SLC34A1: variants seen among roughly 807,000 people sequenced by gnomAD.
The protein encoded by SLC34A1 is sodium-dependent phosphate transport protein 2A.
In SLC34A1, 57 loss-of-function variants were observed where a neutral mutation model predicts 51.4. The observed-to-expected ratio is 1.11, with a 90% CI of 0.90 to 1.38. The LOEUF (loss-of-function observed/expected upper bound fraction) is 1.38, where lower values mean the gene tolerates loss of function less well. SLC34A1 is among the 40% of genes most tolerant of loss of function. SLC34A1 has a pLI of 0.00. For missense variants in SLC34A1, 796 were observed against 835.6 expected (o/e 0.95, Z 0.58); for synonymous variants, 368 against 358.0 (o/e 1.03, Z -0.32).
chr5:177,397,668 G>A, intron 12 of SLC34A1, 115 bp from the exon 13 acceptor site: 1 of 1,427,608 alleles, frequency 7.0e-7, no homozygotes, highest in Non-Finnish European at 9.7e-7. Flanking sequence ...ACCCCTAAGT[G>A]GAAACTTTCC....
Position 177,396,980 on chromosome 5 carries a change from AC to A in SLC34A1, c.1325del (p.Pro442ArgfsTer101), listed in dbSNP as rs781136820. On this transcript the variant is annotated frameshift_variant, in exon 12 of 13. Coordinates refer to ENST00000324417, the MANE Select transcript of SLC34A1 (RefSeq NM_003052.5). LOFTEE classifies it high-confidence loss of function. The surrounding 1 kb of genome is among the most constrained non-coding windows in gnomAD (Gnocchi z 4.0). ...GGTGTGATCAGCATTGAGAGGGCCTACCCGCTCACACTGGGTTCCAACATCG... is the reference window on the plus strand; with the variant it reads ...GGTGTGATCAGCATTGAGAGGGCCTACCGCTCACACTGGGTTCCAACATCG... ...GLGVISIERA[Y>X]PLTLGSNIGT... The A allele has an allele frequency of 6.2e-7, 1 of 1,613,982 alleles. No homozygotes were observed. Among genetic ancestry groups the A allele is most frequent in the South Asian group, 1.1e-5 (1 of 91,078 alleles).
At position 177,396,645 on chromosome 5, in the gene SLC34A1, G is replaced by A. The variant is rs1490433289; in HGVS notation, c.1175-88G>A. 5.7e-6 allele frequency: 6 copies of A among 1,053,256 alleles called. No individual in the cohort carries two copies. In the African/African-American group the frequency reaches 9.5e-5, roughly 17 times the overall value. The allele number at this position is 1,053,256 out of a possible 1,614,324, so 65.2% of individuals were successfully genotyped here. On this transcript the variant is annotated intron_variant, in intron 10 of 12. Coordinates refer to ENST00000324417, the MANE Select transcript of SLC34A1 (RefSeq NM_003052.5). This position sits in a 1 kb window ranked among gnomAD's most constrained non-coding sequence, Gnocchi z 4.0. ...TCCGCTCTCCCAGTGCCCCCGCGGA[G>A]GTCCGCTCTCCCAGTGCCCCCGCGG...
Position 177,393,035 on chromosome 5 carries a change from A to G in SLC34A1, c.937-659A>G, listed in dbSNP as rs540132183. On this transcript the variant is annotated intron_variant, in intron 8 of 12. Transcript: ENST00000324417. ...GACAGTGATCAGGAGCTGAGTAGCT[A>G]CTGCTGACTCTACAGGCCCAGCAGA... Among the ~76,000 whole-genome samples the G allele has an allele frequency of 3.9e-5, 6 of 152,292 alleles. No homozygotes were observed. In the South Asian group the frequency reaches 1.2e-3, roughly 32 times the overall value.
intron 1 of SLC34A1, among the ~76,000 whole-genome samples, chr5:177,385,068 G>T (rs554285665): frequency 2.0e-5 from 3 of 152,308 alleles, no homozygotes; most frequent in South Asian, 4.1e-4. Context: ...TGCCCCTTGA[G>T]GGGGTGGATG....
At chr5:177,397,630 G>A (rs940083190) in intron 12 of SLC34A1, 153 bp from the exon 13 acceptor site, 5 of 942,824 alleles carry the variant, frequency 5.3e-6, no homozygotes, top group Admixed American at 3.8e-5. Context: ...TAGCCACCTC[G>A]GGGTGATCTC....
intron 8 of SLC34A1, among the ~76,000 whole-genome samples, chr5:177,391,769 C>T (rs1342912627): frequency 6.6e-6 from 1 of 152,206 alleles, no homozygotes; most frequent in East Asian, 1.9e-4. Context: ...ATGAGCCAAG[C>T]CCTGTGATGA....
At chr5:177,393,544 G>A (rs1762872059) in intron 8 of SLC34A1, 150 bp from the exon 9 acceptor site, 21 of 748,414 alleles carry the variant, frequency 2.8e-5, no homozygotes, top group Non-Finnish European at 4.3e-5. Flanking sequence ...CTCAGTGGAA[G>A]AGACAGGCTC....
Position 177,386,300 on chromosome 5 carries a change from C to T in SLC34A1, c.339C>T (p.Leu113=), listed in dbSNP as rs370433220. Residue 113 remains leucine (L), a synonymous_variant, in exon 4 of 13, where the codon CTC becomes CTT. Coordinates refer to ENST00000324417, the MANE Select transcript of SLC34A1 (RefSeq NM_003052.5). This position sits in a 1 kb window ranked among gnomAD's most constrained non-coding sequence, Gnocchi z 4.8. ...CACTGATGCTCACCTTCCTCTACCT[C>T]TTCGTCTGCTCCCTGGACATGCTCA... The part of the protein sequence containing the change: ...KVPLMLTFLY[L]FVCSLDMLSS... 1.2e-6 allele frequency: 2 copies of T among 1,614,136 alleles called. No individual in the cohort carries two copies. The highest frequency in any genetic ancestry group is 2.7e-5 in the African/African-American group (2 of 74,948).
In SLC34A1 at chr5:177,398,245, CG is replaced by C; in HGVS notation, c.1880del (p.Arg627LeufsTer55). ...EELPPATPSPRLALPAHHNAT... is the reference protein window; with the variant it reads ...EELPPATPSPXLALPAHHNAT... ...GCTACCCCCTGCCACACCCTCCCCC[CG>C]TCTTGCACTGCCTGCTCACCACAAT... On this transcript the variant is annotated frameshift_variant, in exon 13 of 13. Coordinates refer to ENST00000324417, the MANE Select transcript of SLC34A1 (RefSeq NM_003052.5). LOFTEE classifies it high-confidence loss of function. The surrounding 1 kb of genome is among the most constrained non-coding windows in gnomAD (Gnocchi z 4.7). 1 of 1,600,006 alleles carries C rather than the reference CG, an allele frequency of 6.2e-7. No homozygotes were observed. Among genetic ancestry groups the C allele is most frequent in the Non-Finnish European group, 8.5e-7 (1 of 1,179,914 alleles).
At chr5:177,397,394 C>T in intron 12 of SLC34A1, 1 of 489,280 alleles carries the variant, frequency 2.0e-6, no homozygotes, top group South Asian at 2.1e-5. Context: ...GTCAAGGCCG[C>T]AAATGGCAAA....
chr5:177,387,932 G>A, intron 6 of SLC34A1, 59 bp downstream of exon 6: 1 of 1,610,280 alleles, frequency 6.2e-7, no homozygotes. Flanking sequence ...CAGATGCCAG[G>A]AACCCCAGGC....
intron 12 of SLC34A1, chr5:177,397,424 AAAGGAGTAACTGACAAGCC>A (rs1415744509): frequency 1.6e-5 from 8 of 490,498 alleles, no homozygotes; most frequent in Non-Finnish European, 2.6e-5. Context: ...TTCTAGGAGC[AAAGGAGTAACTGACAAGCC>A]AAGGCACTGA....
In SLC34A1 at chr5:177,394,201, C is replaced by G; in HGVS notation, c.1174+6C>G. 1 of 1,613,864 alleles carries G rather than the reference C, an allele frequency of 6.2e-7. No individual in the cohort carries two copies. Among genetic ancestry groups the G allele is most frequent in the Non-Finnish European group, 8.5e-7 (1 of 1,179,996 alleles). ...CCAGAAGGTCATCAATACGGGTGAG[C>G]TGCGAGCAGTTGACTGGGCAGGGCC... On this transcript the variant is annotated splice_donor_region_variant and intron_variant, in intron 10 of 12. Coordinates refer to ENST00000324417, the MANE Select transcript of SLC34A1 (RefSeq NM_003052.5).
chr5:177,385,513 T>C (rs1762529789), intron 1 of SLC34A1, among the ~76,000 whole-genome samples, 182 bp from the exon 2 acceptor site: 1 of 150,708 alleles, frequency 6.6e-6, no homozygotes, highest in African/African-American at 2.4e-5. Context: ...GTGGTGGTGA[T>C]GATGGAGGGT....
chr5:177,393,622 C>T (rs1271010087), intron 8 of SLC34A1, 72 bp from the exon 9 acceptor site: 11 of 1,460,734 alleles, frequency 7.5e-6, no homozygotes, highest in East Asian at 2.3e-5. Flanking sequence ...CCATCTCTCC[C>T]TAACTCCCAT....
In SLC34A1 at chr5:177,387,998, T is replaced by C; in HGVS notation, c.649T>C (p.Phe217Leu). The change falls in exon 7 of 13, where the codon TTC (phenylalanine) becomes CTC (leucine). Residue 217 changes from phenylalanine (F) to leucine (L), a missense_variant. Coordinates refer to ENST00000324417, the MANE Select transcript of SLC34A1 (RefSeq NM_003052.5). ...CAATGTGGCCTCCCTGCCCAGGGCC[T>C]TCGCGGGGGCCACGGTGCATGACTG... ...AGDRTDFRRA[F>L]AGATVHDCFN... The C allele has an allele frequency of 6.2e-7, 1 of 1,612,814 alleles. No homozygotes were observed. Among genetic ancestry groups the C allele is most frequent in the Middle Eastern group, 1.7e-4 (1 of 6,044 alleles).
Position 177,396,779 on chromosome 5 carries a change from G to C in SLC34A1, c.1221G>C (p.Val407=), listed in dbSNP as rs780820951. ...FTWVTGYFAM[V]VGASMTFVVQ... ...GGGTCACAGGCTACTTTGCCATGGT[G>C]GTGGGCGCCAGCATGACCTTCGTGG... Residue 407 remains valine (V), a synonymous_variant, in exon 11 of 13, where the codon GTG becomes GTC. Transcript: ENST00000324417. This position sits in a 1 kb window ranked among gnomAD's most constrained non-coding sequence, Gnocchi z 4.0. The C allele has an allele frequency of 1.9e-6, 3 of 1,614,236 alleles. No individual in the cohort carries two copies. The highest frequency in any genetic ancestry group is 4.5e-5 in the East Asian group (2 of 44,886).
In SLC34A1 at chr5:177,394,161, A is replaced by C; in HGVS notation, c.1140A>C (p.Gln380His). ...TGCTCAACTCCCTGCTCAAGGGCCA[A>C]GTGGCCAAGGTCATCCAGAAGGTCA... ...VKMLNSLLKG[Q>H]VAKVIQKVIN... Residue 380 changes from glutamine (Q) to histidine (H), a missense_variant, in exon 10 of 13, where the codon CAA becomes CAC. Physicochemically the swap from Gln to His is conservative, Grantham distance 24 (BLOSUM62 0). Transcript: ENST00000324417. 10 of 1,614,086 alleles carry C rather than the reference A, an allele frequency of 6.2e-6. No individual in the cohort carries two copies. Among genetic ancestry groups the C allele is most frequent in the Non-Finnish European group, 7.6e-6 (9 of 1,180,028 alleles).
rs772988335 is a variant in SLC34A1 at position 177,398,244 on chromosome 5, C to T, written c.1878C>T (p.Pro626=). The T allele has an allele frequency of 1.4e-5, 23 of 1,599,944 alleles. No homozygotes were observed. In the East Asian group the frequency reaches 3.3e-4, roughly 23 times the overall value. ...LEELPPATPS[P]RLALPAHHNA... ...AGCTACCCCCTGCCACACCCTCCCCCCGTCTTGCACTGCCTGCTCACCACA... is the reference window on the plus strand; with the variant it reads ...AGCTACCCCCTGCCACACCCTCCCCTCGTCTTGCACTGCCTGCTCACCACA... Residue 626 remains proline, a synonymous_variant, in exon 13 of 13, where the codon CCC becomes CCT. Coordinates refer to ENST00000324417, the MANE Select transcript of SLC34A1 (RefSeq NM_003052.5). This position sits in a 1 kb window ranked among gnomAD's most constrained non-coding sequence, Gnocchi z 4.7.
Sources: allele counts gnomAD v4.1 joint callset (sites outside exome capture counted in the v4.1 genomes callset), GRCh38; gene constraint gnomAD v4.1.1; non-coding constraint Gnocchi (gnomAD v3.1); transcripts MANE v1.5; gene names NCBI Gene and HGNC (gene_info 2026-07-23, HGNC 2026-07-21).